SMARCC1: variants seen among roughly 807,000 people sequenced by gnomAD.
The protein encoded by SMARCC1 is SWI/SNF related BAF chromatin remodeling complex subunit C1.
SMARCC1 carries 43 observed loss-of-function variants against 147.4 expected under a neutral mutation model. The ratio of observed to expected loss-of-function variants is 0.29; its 90% CI spans 0.23 to 0.38. The LOEUF (loss-of-function observed/expected upper bound fraction) is 0.38, where lower values mean the gene tolerates loss of function less well. Ranked by LOEUF, SMARCC1 falls within the 10% of genes least tolerant of loss-of-function variation. The pLI is 1.00. For synonymous variants in SMARCC1, 495 were observed against 484.4 expected, an observed-to-expected ratio of 1.02 and a Z score of -0.29; for missense variants, 1,119 against 1,381.1, an observed-to-expected ratio of 0.81 and a Z score of 3.01.
At chr3:47,677,418 A>G (rs1285866317) in intron 16 of SMARCC1, among the ~76,000 whole-genome samples, 1 of 139,774 alleles carries the variant, frequency 7.2e-6, no homozygotes, top group East Asian at 2.2e-4. Flanking sequence ...TTTTTTTTTT[A>G]ATTTCGGCAG....
chr3:47,718,499 T>C (rs2034189118), intron 7 of SMARCC1, among the ~76,000 whole-genome samples: 1 of 151,900 alleles, frequency 6.6e-6, no homozygotes, highest in Non-Finnish European at 1.5e-5. Flanking sequence ...ATTCAAATGG[T>C]GTTTGGGATT....
intron 25 of SMARCC1, among the ~76,000 whole-genome samples, chr3:47,614,361 G>A (rs2032607975): frequency 6.6e-6 from 1 of 152,120 alleles, no homozygotes; most frequent in Non-Finnish European, 1.5e-5. Flanking sequence ...TACTGGGTAT[G>A]GCTTTCTAAT....
In SMARCC1 at chr3:47,671,301, T is replaced by C. The variant is rs571433250; in HGVS notation, c.1840-584A>G. Among the ~76,000 whole-genome samples, 4 of 152,170 alleles carry C rather than the reference T, an allele frequency of 2.6e-5. No homozygotes were observed. The East Asian group carries it at 7.7e-4, about 29-fold the overall frequency. On this transcript the variant is annotated intron_variant, in intron 18 of 27. Transcript: ENST00000254480. Reference sequence around the variant, plus strand: ...ATTATTTTGATACTTAACAGTATCTTTGGCAAGCTAAAAAGGCATATTGTT... The same window carrying C: ...ATTATTTTGATACTTAACAGTATCTCTGGCAAGCTAAAAAGGCATATTGTT...
At chr3:47,767,893 A>G (rs975309982) in intron 2 of SMARCC1, among the ~76,000 whole-genome samples, 2 of 150,144 alleles carry the variant, frequency 1.3e-5, no homozygotes, top group African/African-American at 2.4e-5. Context: ...TTTTTTTTTA[A>G]GACAGAGTCT....
At chr3:47,644,534 G>A (rs2033093398) in intron 21 of SMARCC1, among the ~76,000 whole-genome samples, 1 of 152,172 alleles carries the variant, frequency 6.6e-6, no homozygotes, top group African/African-American at 2.4e-5. Context: ...TTGAGCTGGA[G>A]TCTCGCTCTA....
chr3:47,777,633 T>C (rs2034991161), intron 1 of SMARCC1, among the ~76,000 whole-genome samples: 1 of 151,924 alleles, frequency 6.6e-6, no homozygotes, highest in Non-Finnish European at 1.5e-5. Flanking sequence ...GTTTGAGTGA[T>C]TCTCCTGCCT....
chr3:47,590,059 C>T (rs1247734330), intron 27 of SMARCC1, among the ~76,000 whole-genome samples: 2 of 152,164 alleles, frequency 1.3e-5, no homozygotes, highest in African/African-American at 4.8e-5. Flanking sequence ...CGAGCAAGAG[C>T]CTATGGGAGA....
At chr3:47,674,642 T>C (rs2033545703) in intron 18 of SMARCC1, among the ~76,000 whole-genome samples, 1 of 152,160 alleles carries the variant, frequency 6.6e-6, no homozygotes, top group East Asian at 1.9e-4. Flanking sequence ...TTGGATCTGT[T>C]CTTTTTATGT....
intron 8 of SMARCC1, among the ~76,000 whole-genome samples, chr3:47,711,945 T>C (rs1037400167): frequency 3.3e-5 from 5 of 151,804 alleles, no homozygotes; most frequent in Non-Finnish European, 7.4e-5. Flanking sequence ...ATAAATAGAG[T>C]GTATAGGCCG....
At chr3:47,672,033 C>A (rs369309975) in intron 18 of SMARCC1, among the ~76,000 whole-genome samples, 1 of 152,050 alleles carries the variant, frequency 6.6e-6, no homozygotes. Flanking sequence ...TTCTGACATA[C>A]GCTGTTCACT....
chr3:47,690,243 T>A (rs1331778537), intron 12 of SMARCC1, among the ~76,000 whole-genome samples: 4 of 152,112 alleles, frequency 2.6e-5, no homozygotes, highest in Non-Finnish European at 5.9e-5. Flanking sequence ...CGCTCACACC[T>A]ATAATACCAA....
chr3:47,622,477 C>CT, intron 24 of SMARCC1, 136 bp from the exon 25 acceptor site: 1 of 787,580 alleles, frequency 1.3e-6, no homozygotes, highest in Admixed American at 2.7e-5. Context: ...AACGTACAAT[C>CT]TAAAATAACT....
chr3:47,760,644 A>G (rs1275674622), intron 2 of SMARCC1, among the ~76,000 whole-genome samples: 1 of 152,232 alleles, frequency 6.6e-6, no homozygotes, highest in Non-Finnish European at 1.5e-5. Flanking sequence ...AGCCTGGGCA[A>G]CTGAGCAAGA....
intron 24 of SMARCC1, among the ~76,000 whole-genome samples, chr3:47,633,775 T>TACACACACACAC (rs778383062): frequency 1.6e-4 from 3 of 18,636 alleles, no homozygotes; most frequent in African/African-American, 2.8e-4. Context: ...TATATATATA[T>TACACACACACAC]ATATACACAC....
chr3:47,715,324 G>A (rs1351158588), intron 7 of SMARCC1, among the ~76,000 whole-genome samples: 1 of 152,188 alleles, frequency 6.6e-6, no homozygotes, highest in East Asian at 1.9e-4. Flanking sequence ...AACTTGCAAT[G>A]CTACCCTGGC....
chr3:47,738,123 A>G lies in SMARCC1; in HGVS notation c.402-13T>C. On this transcript the variant is annotated splice_polypyrimidine_tract_variant and intron_variant, in intron 3 of 27. Coordinates refer to ENST00000254480, the MANE Select transcript of SMARCC1 (RefSeq NM_003074.4). The stretch of plus-strand genomic sequence containing the variant: ...GTCAAACCTCCGCCTAAAAAAAAAG[A>G]AAAACCCTAGTTAATTTGTCTCCCA... 6.5e-7 allele frequency: 1 copy of G among 1,543,708 alleles called. No homozygotes were observed. Among genetic ancestry groups the G allele is most frequent in the South Asian group, 1.2e-5 (1 of 80,292 alleles).
intron 25 of SMARCC1, among the ~76,000 whole-genome samples, chr3:47,621,160 C>T (rs560403387): frequency 8.3e-4 from 126 of 152,086 alleles, no homozygotes; most frequent in Admixed American, 1.8e-3. Flanking sequence ...ATTAGCTGGG[C>T]GTGGTGGCGT....
chr3:47,778,199 AAAACAAAAAAC>A (rs1336718515), intron 1 of SMARCC1, among the ~76,000 whole-genome samples: 1 of 143,920 alleles, frequency 6.9e-6, no homozygotes, highest in African/African-American at 2.6e-5. Context: ...TCAAAAAAAA[AAAACAAAAAAC>A]AAAAAACAAA....
chr3:47,681,546 G>C (rs1206120322), intron 14 of SMARCC1, among the ~76,000 whole-genome samples: 2 of 152,182 alleles, frequency 1.3e-5, no homozygotes, highest in African/African-American at 4.8e-5. Flanking sequence ...ATATAAGTGT[G>C]TGTTTCTTCC....
Sources: gnomAD v4.1 joint callset for allele counts (sites outside exome capture counted in the v4.1 genomes callset) on GRCh38, gnomAD v4.1.1 for gene constraint, MANE v1.5 for transcripts, NCBI Gene and HGNC (gene_info 2026-07-23, HGNC 2026-07-21) for gene names.